The following NCBP3 variants were observed in gnomAD, a reference collection of about 807,000 sequenced individuals.
NCBP3 encodes the protein nuclear cap binding subunit 3.
In NCBP3, 20 loss-of-function variants were observed where a neutral mutation model predicts 75.7. The ratio of observed to expected loss-of-function variants is 0.26; its 90% CI spans 0.19 to 0.38. The LOEUF (loss-of-function observed/expected upper bound fraction) is 0.38. NCBP3 is among the 10% of genes least tolerant of loss of function. The probability of loss-of-function intolerance (pLI) is 1.00; values close to 1 mark genes in which losing one functional copy is unlikely to be tolerated. For synonymous variants in NCBP3, 293 were observed against 290.5 expected, an observed-to-expected ratio of 1.01 and a Z score of -0.09; for missense variants, 678 against 796.9, an observed-to-expected ratio of 0.85 and a Z score of 1.80.
Position 3,835,363 on chromosome 17 carries a change from C to T in NCBP3, c.355+4737G>A, listed in dbSNP as rs1033100830. ...AGACAACGGTGAGGAACAGTCCTGCCGTTCTCTCTGTGAATCCAACCATAA... is the reference window on the plus strand; with the variant it reads ...AGACAACGGTGAGGAACAGTCCTGCTGTTCTCTCTGTGAATCCAACCATAA... On this transcript the variant is annotated intron_variant, in intron 3 of 12. Coordinates refer to ENST00000389005, the MANE Select transcript of NCBP3 (RefSeq NM_001114118.3). Among the ~76,000 whole-genome samples the T allele has an allele frequency of 3.9e-5, 6 of 152,312 alleles. No individual in the cohort carries two copies. In the East Asian group the frequency reaches 5.8e-4, roughly 15 times the overall value.
chr17:3,836,555 A>C (rs2053974768), intron 3 of NCBP3, among the ~76,000 whole-genome samples: 1 of 151,064 alleles, frequency 6.6e-6, no homozygotes, highest in African/African-American at 2.4e-5. Flanking sequence ...CAGGAAGCTG[A>C]GGCAGGAGAA....
At position 3,829,173 on chromosome 17, in the gene NCBP3, T is replaced by A; in HGVS notation, c.481+70A>T. Reference sequence around the variant, plus strand: ...TAGTATGGGCCAGAACCATTCACCATCTCTGATGGCAAGAACTCTTGAAAA... The same window carrying A: ...TAGTATGGGCCAGAACCATTCACCAACTCTGATGGCAAGAACTCTTGAAAA... On this transcript the variant is annotated intron_variant, in intron 4 of 12. Transcript: ENST00000389005. The A allele has an allele frequency of 4.0e-6, 6 of 1,516,770 alleles. No homozygotes were observed. The South Asian group carries it at 4.9e-5, about 12-fold the overall frequency. 94.0% of individuals were successfully genotyped at this position (1,516,770 alleles called of 1,614,324 possible).
rs576950276 is a variant in NCBP3, at chr17:3,829,227, A to G, written c.481+16T>C. The G allele has an allele frequency of 1.1e-5, 17 of 1,550,670 alleles. No individual in the cohort carries two copies. The Admixed American group carries it at 1.8e-4, about 16-fold the overall frequency. ...ATCAACAAAAGCATATTCACAGGAA[A>G]CTCGGGTGTACTTACAGGAGGTATC... On this transcript the variant is annotated intron_variant, in intron 4 of 12. Coordinates refer to ENST00000389005, the MANE Select transcript of NCBP3 (RefSeq NM_001114118.3).
At chr17:3,840,021 G>T in intron 3 of NCBP3, 79 bp downstream of exon 3, 1 of 1,136,046 alleles carries the variant, frequency 8.8e-7, no homozygotes, top group Non-Finnish European at 1.3e-6. Context: ...GCAAGGCAAG[G>T]CCAGAAGCAT....
chr17:3,824,347 CACACACATACACACACACAT>C (rs2053731659), intron 7 of NCBP3: 2 of 148,652 alleles, frequency 1.3e-5, no homozygotes, highest in Admixed American at 1.4e-4. Flanking sequence ...CATACATACA[CACACACATACACACACACAT>C]ACACATACAC....
chr17:3,833,293 T>C (rs1478000342), intron 3 of NCBP3, among the ~76,000 whole-genome samples: 1 of 152,148 alleles, frequency 6.6e-6, no homozygotes, highest in Non-Finnish European at 1.5e-5. Flanking sequence ...TTTTTATTTT[T>C]TGCAGAGATG....
intron 2 of NCBP3, 61 bp from the exon 3 acceptor site, chr17:3,840,266 T>C (rs2054041217): frequency 1.6e-6 from 2 of 1,254,532 alleles, no homozygotes; most frequent in Non-Finnish European, 1.1e-6. Flanking sequence ...AAATCACACA[T>C]GCATCATGAT....
At chr17:3,834,115 G>A (rs916347811) in intron 3 of NCBP3, among the ~76,000 whole-genome samples, 1 of 152,188 alleles carries the variant, frequency 6.6e-6, no homozygotes, top group African/African-American at 2.4e-5. Context: ...GAAAAGAGAA[G>A]GTAGCGAATT....
At chr17:3,824,127 C>A (rs1157356939) in intron 7 of NCBP3, 1 of 152,130 alleles carries the variant, frequency 6.6e-6, no homozygotes, top group Non-Finnish European at 1.5e-5. Context: ...ATTATTGGAA[C>A]AACTGACAAA....
chr17:3,829,230 C>A lies in NCBP3; in HGVS notation c.481+13G>T, dbSNP rs369368871. 18 of 1,550,770 alleles carry A rather than the reference C, an allele frequency of 1.2e-5. No homozygotes were observed. The highest frequency in any genetic ancestry group is 2.6e-6 in the Non-Finnish European group (3 of 1,146,630). On this transcript the variant is annotated intron_variant, in intron 4 of 12. Coordinates refer to ENST00000389005, the MANE Select transcript of NCBP3 (RefSeq NM_001114118.3). The stretch of plus-strand genomic sequence containing the variant: ...AACAAAAGCATATTCACAGGAAACT[C>A]GGGTGTACTTACAGGAGGTATCATC...
chr17:3,834,032 A>C (rs2053932664), intron 3 of NCBP3, among the ~76,000 whole-genome samples: 1 of 152,018 alleles, frequency 6.6e-6, no homozygotes, highest in South Asian at 2.1e-4. Flanking sequence ...GACTCAATAA[A>C]CCTTATCCGC....
rs892200545 is a variant in NCBP3 at position 3,804,725 on chromosome 17, G to A, written c.*8319C>T. The A allele has an allele frequency of 3.9e-5, 6 of 152,236 alleles. No homozygotes were observed. Among genetic ancestry groups the A allele is most frequent in the Non-Finnish European group, 4.4e-5 (3 of 68,064 alleles). 9.4% of individuals were successfully genotyped at this position (152,236 alleles called of 1,614,324 possible). ...AGGGCTGCAGAGCAGTGGTACTCAC[G>A]ACCTTTGAACACTCGGTAGGAGTGC... is the stretch of plus-strand genomic sequence containing the variant. On this transcript the variant is annotated 3_prime_UTR_variant, in exon 13 of 13. Transcript: ENST00000389005.
At chr17:3,834,429 A>C (rs940559286) in intron 3 of NCBP3, among the ~76,000 whole-genome samples, 8 of 152,256 alleles carry the variant, frequency 5.3e-5, no homozygotes, top group African/African-American at 1.9e-4. Context: ...AACTGTTTGT[A>C]AAAGAGCTAA....
intron 4 of NCBP3, among the ~76,000 whole-genome samples, chr17:3,828,146 T>C (rs767745120): frequency 1.3e-5 from 2 of 152,366 alleles, no homozygotes; most frequent in South Asian, 4.1e-4. Flanking sequence ...CTTGAACTCC[T>C]GATCTCAAGT....
At chr17:3,816,805 G>A (rs1246200086) in intron 10 of NCBP3, among the ~76,000 whole-genome samples, 6 of 152,068 alleles carry the variant, frequency 3.9e-5, no homozygotes, top group South Asian at 2.1e-4. Context: ...AAGCTGAGGC[G>A]GGCGGATCAC....
At chr17:3,834,163 G>A (rs771686488) in intron 3 of NCBP3, among the ~76,000 whole-genome samples, 21 of 152,186 alleles carry the variant, frequency 1.4e-4, no homozygotes, top group Non-Finnish European at 2.6e-4. Context: ...ACATGTAGGA[G>A]AGAGACGGAT....
At chr17:3,842,810 T>C (rs2143720825) in intron 2 of NCBP3, among the ~76,000 whole-genome samples, 2 of 152,250 alleles carry the variant, frequency 1.3e-5, no homozygotes. Context: ...CACACCCGAC[T>C]AATTTTTGTA....
chr17:3,844,251 TC>T (rs2054118314), intron 1 of NCBP3, among the ~76,000 whole-genome samples: 2 of 152,202 alleles, frequency 1.3e-5, no homozygotes, highest in African/African-American at 2.4e-5. Context: ...GCTCTGACAG[TC>T]ACTAATTACA....
intron 7 of NCBP3, chr17:3,823,664 C>T (rs1485612801): frequency 3.9e-5 from 6 of 152,134 alleles, no homozygotes; most frequent in Non-Finnish European, 7.3e-5. Context: ...CTCAAGTGAT[C>T]CTTCTGCCTC....
Sources: gnomAD v4.1 joint callset for allele counts (sites outside exome capture counted in the v4.1 genomes callset) on GRCh38, gnomAD v4.1.1 for gene constraint, MANE v1.5 for transcripts, NCBI Gene and HGNC (gene_info 2026-07-23, HGNC 2026-07-21) for gene names.